Variants in AGBL4 observed in about 807,000 individuals in gnomAD.
AGBL4 encodes the protein cytosolic carboxypeptidase 6.
AGBL4 carries 58 observed loss-of-function variants against 66.4 expected under a neutral mutation model. The ratio of observed to expected loss-of-function variants is 0.87; its 90% CI spans 0.71 to 1.09. The LOEUF is 1.09. AGBL4 is among the 50% of genes least tolerant of loss of function. The probability of loss-of-function intolerance (pLI) is 0.00; values close to 1 mark genes in which losing one functional copy is unlikely to be tolerated. For missense variants in AGBL4, 579 were observed against 631.0 expected (o/e 0.92, Z 0.88); for synonymous variants, 234 against 222.9 (o/e 1.05, Z -0.44).
chr1:49,511,390 G>A (rs1649231084), intron 3 of AGBL4, among the ~76,000 whole-genome samples: 1 of 145,538 alleles, frequency 6.9e-6, no homozygotes, highest in Non-Finnish European at 1.5e-5. Context: ...TCACTCATAG[G>A]TGGGAATTGA....
intron 3 of AGBL4, among the ~76,000 whole-genome samples, chr1:49,518,114 A>C (rs1183319236): frequency 6.6e-6 from 1 of 152,096 alleles, no homozygotes; most frequent in Non-Finnish European, 1.5e-5. Flanking sequence ...AAGCCAGACA[A>C]CTGAACAGAT....
At position 48,578,999 on chromosome 1, in the gene AGBL4, C is replaced by T. The variant is rs377417675; in HGVS notation, c.1267+8005G>A. On this transcript the variant is annotated intron_variant, in intron 11 of 13. Transcript: ENST00000371839. ...TCTTCATTGTGACTTTATAGTACCT[C>T]GTAGAAAAATCTATGTTGAGTCTAT... Among the ~76,000 whole-genome samples the T allele has an allele frequency of 3.3e-5, 5 of 152,160 alleles. 1 individual carries two copies. The highest frequency in any genetic ancestry group is 1.2e-4 in the African/African-American group (5 of 41,494).
At chr1:48,685,524 C>A (rs2148485188) in intron 6 of AGBL4, among the ~76,000 whole-genome samples, 1 of 152,268 alleles carries the variant, frequency 6.6e-6, no homozygotes, top group South Asian at 2.1e-4. Context: ...GCGGGTTAAT[C>A]TTCCACCCCT....
In AGBL4 at chr1:49,649,581, G is replaced by A. The variant is rs533169170; in HGVS notation, c.282+47732C>T. 6.6e-5 allele frequency among the ~76,000 whole-genome samples: 10 copies of A among 152,090 alleles called. No homozygotes were observed. The East Asian group carries it at 1.4e-3, about 21-fold the overall frequency. On this transcript the variant is annotated intron_variant, in intron 3 of 13. Coordinates refer to ENST00000371839, the MANE Select transcript of AGBL4 (RefSeq NM_032785.4). ...GATCCAGCAGGCAGAAAATCAATACGGATATAGTTTTTAGCTCAACAATCA... is the reference window on the plus strand; with the variant it reads ...GATCCAGCAGGCAGAAAATCAATACAGATATAGTTTTTAGCTCAACAATCA...
Position 49,781,730 on chromosome 1 carries a change from A to G in AGBL4, c.157+69666T>C, listed in dbSNP as rs183560613. 4.1e-4 allele frequency among the ~76,000 whole-genome samples: 62 copies of G among 152,260 alleles called. 1 individual carries two copies. The highest frequency in any genetic ancestry group is 7.2e-4 in the Non-Finnish European group (49 of 68,018). ...CAGAACATTCTCTAGGTTAAGGCAC[A>G]TTTTAGGTCATAATATAAAAGTATC... On this transcript the variant is annotated intron_variant, in intron 2 of 13. Transcript: ENST00000371839.
intron 4 of AGBL4, among the ~76,000 whole-genome samples, chr1:49,113,785 C>G (rs1645462152): frequency 1.3e-5 from 2 of 152,326 alleles, no homozygotes; most frequent in South Asian, 4.1e-4. Context: ...TCCATCAGAG[C>G]TCTTGGGTGA....
At chr1:49,983,942 C>T (rs996393221) in intron 1 of AGBL4, among the ~76,000 whole-genome samples, 3 of 152,124 alleles carry the variant, frequency 2.0e-5, no homozygotes, top group Non-Finnish European at 4.4e-5. Context: ...TCCAATGTGG[C>T]TTGTTATACT....
At chr1:49,102,247 G>A (rs1428899994) in intron 4 of AGBL4, among the ~76,000 whole-genome samples, 1 of 152,096 alleles carries the variant, frequency 6.6e-6, no homozygotes, top group African/African-American at 2.4e-5. Context: ...TTCTCACAAG[G>A]TCAGTACTAT....
chr1:49,442,809 T>C (rs1002283496), intron 3 of AGBL4, among the ~76,000 whole-genome samples: 2 of 152,186 alleles, frequency 1.3e-5, no homozygotes, highest in African/African-American at 4.8e-5. Context: ...AGTTTTTAGT[T>C]CTTTGAGAAA....
intron 4 of AGBL4, among the ~76,000 whole-genome samples, chr1:49,111,348 C>G (rs888583724): frequency 3.3e-5 from 5 of 152,146 alleles, no homozygotes; most frequent in East Asian, 1.9e-4. Flanking sequence ...TCCTGACCTC[C>G]TGATCCGCCC....
chr1:48,579,448 T>A (rs1374550254), intron 11 of AGBL4, among the ~76,000 whole-genome samples: 2 of 151,218 alleles, frequency 1.3e-5, no homozygotes, highest in Non-Finnish European at 3.0e-5. Context: ...ACCATGTTGG[T>A]CAGGCTGGTC....
chr1:49,860,257 T>G (rs971011143), intron 1 of AGBL4, among the ~76,000 whole-genome samples: 1 of 151,694 alleles, frequency 6.6e-6, no homozygotes, highest in Non-Finnish European at 1.5e-5. Context: ...AAAAAAACAG[T>G]GTGGGGTTGG....
At chr1:48,725,622 G>T (rs1279626498) in intron 6 of AGBL4, among the ~76,000 whole-genome samples, 1 of 152,212 alleles carries the variant, frequency 6.6e-6, no homozygotes, top group Non-Finnish European at 1.5e-5. Flanking sequence ...TTTCAGGGAA[G>T]AGGTAAAAGG....
At chr1:49,851,551 A>G in intron 1 of AGBL4, 33 bp from the exon 2 acceptor site, 1 of 1,541,548 alleles carries the variant, frequency 6.5e-7, no homozygotes, top group Non-Finnish European at 8.8e-7. Context: ...AAGTCAAAGT[A>G]TATTCGGCAA....
intron 11 of AGBL4, among the ~76,000 whole-genome samples, chr1:48,543,621 G>A (rs1012809495): frequency 1.3e-5 from 2 of 152,188 alleles, no homozygotes; most frequent in Non-Finnish European, 2.9e-5. Context: ...CTTCAGTGCT[G>A]TCTAGGGCTG....
chr1:49,285,046 C>T (rs1185374036), intron 3 of AGBL4, among the ~76,000 whole-genome samples: 1 of 151,872 alleles, frequency 6.6e-6, no homozygotes, highest in Non-Finnish European at 1.5e-5. Context: ...ACAGAACTCT[C>T]CACCCCAAAT....
At chr1:48,990,712 T>C (rs1183807036) in intron 5 of AGBL4, among the ~76,000 whole-genome samples, 1 of 152,126 alleles carries the variant, frequency 6.6e-6, no homozygotes, top group East Asian at 1.9e-4. Flanking sequence ...GGTGATTTCT[T>C]GTTTTCTTTT....
intron 6 of AGBL4, among the ~76,000 whole-genome samples, chr1:48,835,399 T>C (rs1646650408): frequency 1.3e-5 from 2 of 152,134 alleles, no homozygotes; most frequent in African/African-American, 4.8e-5. Context: ...GAGAGACAGA[T>C]GTTCCTTAAA....
At chr1:48,934,998 A>ATTCT (rs1279698844) in intron 5 of AGBL4, among the ~76,000 whole-genome samples, 3 of 152,200 alleles carry the variant, frequency 2.0e-5, no homozygotes, top group Admixed American at 2.0e-4. Context: ...TCGTTCATTC[A>ATTCT]TTCATTCAAC....
Sources: allele counts gnomAD v4.1 joint callset (sites outside exome capture counted in the v4.1 genomes callset), GRCh38; gene constraint gnomAD v4.1.1; transcripts MANE v1.5; gene names NCBI Gene and HGNC (gene_info 2026-07-23, HGNC 2026-07-21).